SULT1E1: variants seen among roughly 807,000 people sequenced by gnomAD.
SULT1E1 encodes the protein sulfotransferase 1E1.
Under a neutral mutation model 33.6 loss-of-function variants are expected in SULT1E1, and 36 were observed. That is an observed-to-expected ratio of 1.07 (90% CI 0.82 to 1.41). SULT1E1 has a LOEUF of 1.41. Ranked by LOEUF, SULT1E1 falls within the 40% of genes most tolerant of loss-of-function variation. The pLI, the probability that SULT1E1 is intolerant of heterozygous loss-of-function variation, is 0.00. For missense variants in SULT1E1, 371 were observed against 345.7 expected (o/e 1.07, Z -0.58); for synonymous variants, 121 against 111.7 (o/e 1.08, Z -0.53).
chr4:69,844,435 C>T, intron 6 of SULT1E1, 94 bp from the exon 7 acceptor site: 3 of 888,856 alleles, frequency 3.4e-6, no homozygotes, highest in Non-Finnish European at 4.9e-6. Context: ...CTCTTTTCTC[C>T]TACTGATATT....
intron 7 of SULT1E1, among the ~76,000 whole-genome samples, chr4:69,842,384 G>A (rs1433495385): frequency 6.6e-6 from 1 of 151,876 alleles, no homozygotes; most frequent in African/African-American, 2.4e-5. Context: ...AGCTGTTGGG[G>A]CTCCCAGGAT....
chr4:69,834,440 C>A, the SULT1E1 span, among the ~76,000 whole-genome samples: 1 of 152,198 alleles, frequency 6.6e-6, no homozygotes, highest in African/African-American at 2.4e-5. Flanking sequence ...GTCACCATGA[C>A]ATTTTCTGAT....
intron 6 of SULT1E1, among the ~76,000 whole-genome samples, chr4:69,845,852 A>G (rs556147446): frequency 1.5e-4 from 23 of 151,330 alleles, no homozygotes; most frequent in African/African-American, 5.5e-4. Flanking sequence ...ATTGGATAAT[A>G]TAATAAACTG....
the SULT1E1 span, among the ~76,000 whole-genome samples, chr4:69,834,246 C>T: frequency 6.6e-6 from 1 of 152,150 alleles, no homozygotes; most frequent in African/African-American, 2.4e-5. Context: ...TGGACATCTT[C>T]CTTAGATATC....
At chr4:69,859,659 T>C (rs1474635121) in intron 1 of SULT1E1, among the ~76,000 whole-genome samples, 1 of 152,128 alleles carries the variant, frequency 6.6e-6, no homozygotes, top group East Asian at 1.9e-4. Flanking sequence ...TACATGAAAG[T>C]AATGCCCCTA....
At chr4:69,851,307 G>T (rs1368263723) in intron 4 of SULT1E1, among the ~76,000 whole-genome samples, 1 of 152,034 alleles carries the variant, frequency 6.6e-6, no homozygotes, top group Non-Finnish European at 1.5e-5. Context: ...ATCAAAAATG[G>T]GTGAAGGATA....
intron 6 of SULT1E1, among the ~76,000 whole-genome samples, chr4:69,844,657 T>G (rs1017352415): frequency 6.6e-6 from 1 of 152,140 alleles, no homozygotes; most frequent in African/African-American, 2.4e-5. Context: ...ACTCAAAACC[T>G]AAAGTCCCCT....
At chr4:69,843,038 G>A (rs1416710024) in intron 7 of SULT1E1, among the ~76,000 whole-genome samples, 1 of 151,924 alleles carries the variant, frequency 6.6e-6, no homozygotes, top group East Asian at 1.9e-4. Flanking sequence ...GGGTTTCACT[G>A]TGTTAGCCAG....
intron 3 of SULT1E1, 68 bp from the exon 4 acceptor site, chr4:69,854,382 A>C (rs1329669764): frequency 3.2e-6 from 3 of 923,888 alleles, no homozygotes; most frequent in African/African-American, 1.7e-5. Flanking sequence ...ATTTATATAG[A>C]TATTTGTAAA....
At chr4:69,840,881 C>G (rs1229149234), downstream of SULT1E1, among the ~76,000 whole-genome samples, 1 of 151,996 alleles carries the variant, frequency 6.6e-6, no homozygotes, top group Non-Finnish European at 1.5e-5. Flanking sequence ...CCCGTCTCTA[C>G]TAAAAATACA....
chr4:69,838,404 C>A (rs975000595), downstream of SULT1E1: 1 of 151,958 alleles, frequency 6.6e-6, no homozygotes, highest in African/African-American at 2.4e-5. Context: ...GAGAGTTAAA[C>A]CTTGCTGTTA....
downstream of SULT1E1, among the ~76,000 whole-genome samples, chr4:69,841,012 A>T (rs910233319): frequency 3.9e-5 from 6 of 152,256 alleles, no homozygotes; most frequent in East Asian, 1.2e-3. Context: ...AGATCACGCC[A>T]CTGCACTGCA....
intron 6 of SULT1E1, among the ~76,000 whole-genome samples, chr4:69,846,725 C>T (rs977150909): frequency 6.6e-6 from 1 of 151,688 alleles, no homozygotes; most frequent in Non-Finnish European, 1.5e-5. Flanking sequence ...TTCTACACTA[C>T]AATCAACAGT....
At chr4:69,830,466 A>G in the SULT1E1 span, among the ~76,000 whole-genome samples, 1 of 152,228 alleles carries the variant, frequency 6.6e-6, no homozygotes, top group African/African-American at 2.4e-5. Flanking sequence ...AGTCTTTCGT[A>G]AAACTGGCTT....
chr4:69,835,134 C>T, the SULT1E1 span, among the ~76,000 whole-genome samples: 2 of 152,104 alleles, frequency 1.3e-5, no homozygotes, highest in Admixed American at 6.5e-5. Context: ...ATATTTTTCC[C>T]TCTGCCCAGA....
At chr4:69,847,459 A>G (rs1721002509) in intron 6 of SULT1E1, among the ~76,000 whole-genome samples, 1 of 151,426 alleles carries the variant, frequency 6.6e-6, no homozygotes, top group Admixed American at 6.6e-5. Flanking sequence ...AAGTTCTTTC[A>G]AATTTTTTCT....
chr4:69,822,661 T>C, the SULT1E1 span, among the ~76,000 whole-genome samples: 1 of 152,150 alleles, frequency 6.6e-6, no homozygotes, highest in Non-Finnish European at 1.5e-5. Flanking sequence ...TACTACTTTG[T>C]TATGGTGTTT....
chr4:69,847,631 C>T (rs1721005172), intron 6 of SULT1E1, 67 bp downstream of exon 6: 51 of 1,067,082 alleles, frequency 4.8e-5, no homozygotes, highest in Non-Finnish European at 6.7e-5. Flanking sequence ...ATTTTTGTAT[C>T]CAGAGTATTT....
the SULT1E1 span, among the ~76,000 whole-genome samples, chr4:69,832,421 G>A: frequency 3.3e-5 from 5 of 152,186 alleles, no homozygotes; most frequent in Non-Finnish European, 7.3e-5. Flanking sequence ...GAGTAAAGCA[G>A]GAGAATCTTT....
Sources: gnomAD v4.1 joint callset for allele counts (sites outside exome capture counted in the v4.1 genomes callset) on GRCh38, gnomAD v4.1.1 for gene constraint, MANE v1.5 for transcripts, NCBI Gene and HGNC (gene_info 2026-07-23, HGNC 2026-07-21) for gene names.